ZNF385D: variants seen among roughly 807,000 people sequenced by gnomAD.
ZNF385D encodes zinc finger protein 385D.
A neutral mutation model predicts 35.8 loss-of-function variants in ZNF385D; 15 were observed. That is an observed-to-expected ratio of 0.42 (90% confidence interval 0.28 to 0.64). ZNF385D has a LOEUF of 0.64. ZNF385D is among the 30% of genes least tolerant of loss of function. The probability of loss-of-function intolerance (pLI) is 0.23; values close to 1 mark genes in which losing one functional copy is unlikely to be tolerated. For missense variants in ZNF385D, 474 were observed against 494.6 expected (o/e 0.96, Z 0.39); for synonymous variants, 212 against 186.8 (o/e 1.13, Z -1.10).
intron 3 of ZNF385D, among the ~76,000 whole-genome samples, chr3:21,873,535 A>ATGGT (rs140463319): frequency 5.9e-5 from 9 of 152,216 alleles, no homozygotes; most frequent in Non-Finnish European, 8.8e-5. Flanking sequence ...GGTGTACAGT[A>ATGGT]TGGTATTCTT....
chr3:21,854,457 G>A (rs540415448), intron 3 of ZNF385D, among the ~76,000 whole-genome samples: 13 of 151,988 alleles, frequency 8.6e-5, no homozygotes, highest in South Asian at 6.2e-4. Flanking sequence ...TCATGGGCAC[G>A]CAACCTTGGC....
intron 3 of ZNF385D, among the ~76,000 whole-genome samples, chr3:21,956,633 C>T (rs919946001): frequency 6.6e-6 from 1 of 151,994 alleles, no homozygotes; most frequent in Non-Finnish European, 1.5e-5. Context: ...GTGGTTAATG[C>T]ATCCTCTGCC....
intron 3 of ZNF385D, among the ~76,000 whole-genome samples, chr3:21,908,296 G>T (rs1050672028): frequency 1.3e-5 from 2 of 151,942 alleles, no homozygotes; most frequent in Non-Finnish European, 2.9e-5. Flanking sequence ...ATAATTCCAG[G>T]ATGCAAAGCT....
chr3:22,130,045 A>G (rs1703682303), intron 3 of ZNF385D, among the ~76,000 whole-genome samples: 1 of 152,166 alleles, frequency 6.6e-6, no homozygotes, highest in Admixed American at 6.6e-5. Flanking sequence ...AAATTCTGCC[A>G]GAACTGGGTC....
intron 2 of ZNF385D, among the ~76,000 whole-genome samples, chr3:22,294,736 T>C (rs953278921): frequency 6.6e-6 from 1 of 152,130 alleles, no homozygotes; most frequent in East Asian, 1.9e-4. Context: ...AACAAGTTAA[T>C]GCAAAATACT....
At chr3:22,002,668 G>C (rs1209923358) in intron 3 of ZNF385D, among the ~76,000 whole-genome samples, 1 of 152,012 alleles carries the variant, frequency 6.6e-6, no homozygotes, top group African/African-American at 2.4e-5. Context: ...TATCCTTAAT[G>C]AACACAGACA....
At chr3:21,903,348 G>C (rs1575875220) in intron 3 of ZNF385D, among the ~76,000 whole-genome samples, 1 of 152,132 alleles carries the variant, frequency 6.6e-6, no homozygotes, top group Admixed American at 6.6e-5. Flanking sequence ...CAAAAGGCAA[G>C]ATTTGGTGCA....
chr3:22,240,236 T>C (rs1699418673), intron 2 of ZNF385D, among the ~76,000 whole-genome samples: 1 of 143,868 alleles, frequency 7.0e-6, no homozygotes, highest in African/African-American at 2.6e-5. Context: ...CAAAAAGTCA[T>C]CATCATTAGA....
chr3:22,324,202 T>C (rs1305209705), intron 2 of ZNF385D, among the ~76,000 whole-genome samples: 1 of 152,166 alleles, frequency 6.6e-6, no homozygotes, highest in African/African-American at 2.4e-5. Context: ...GTGCTCCTAA[T>C]AGGACACTAA....
intron 5 of ZNF385D, among the ~76,000 whole-genome samples, chr3:21,434,196 GTT>G (rs1701439772): frequency 6.6e-6 from 1 of 152,122 alleles, no homozygotes; most frequent in Non-Finnish European, 1.5e-5. Flanking sequence ...AGCCCCAATT[GTT>G]CAACTTGGTA....
intron 2 of ZNF385D, among the ~76,000 whole-genome samples, chr3:22,319,835 T>A (rs1183442552): frequency 6.6e-6 from 1 of 152,230 alleles, no homozygotes; most frequent in African/African-American, 2.4e-5. Context: ...TTTGAATCTA[T>A]TTCAACTTCT....
Position 22,107,026 on chromosome 3 carries a change from G to GTTTTTTTTTTTTTTTTTTTTTTTTTTTTT in ZNF385D, c.325+61790_325+61791insAAAAAAAAAAAAAAAAAAAAAAAAAAAAA, listed in dbSNP as rs10676871. Among the ~76,000 whole-genome samples, 246 of 118,774 alleles carry GTTTTTTTTTTTTTTTTTTTTTTTTTTTTT rather than the reference G, an allele frequency of 2.1e-3. 44 individuals are homozygous for GTTTTTTTTTTTTTTTTTTTTTTTTTTTTT. Among genetic ancestry groups the GTTTTTTTTTTTTTTTTTTTTTTTTTTTTT allele is most frequent in the Middle Eastern group, 9.6e-3 (2 of 208 alleles). 77.9% of individuals were successfully genotyped at this position (118,774 alleles called of 152,430 possible). ...TTTATGCAAAAACTTTGGAATGAGAGTTTTTTTTTTTTTTTTAGACAGAGT... is the reference window on the plus strand; with the variant it reads ...TTTATGCAAAAACTTTGGAATGAGAGTTTTTTTTTTTTTTTTTTTTTTTTTTTTTTTTTTTTTTTTTTTTTAGACAGAGT... On this transcript the variant is annotated intron_variant, in intron 3 of 5. Coordinates refer to the ZNF385D transcript ENST00000494108.
chr3:22,368,303 C>T (rs1362545994), intron 2 of ZNF385D, among the ~76,000 whole-genome samples: 1 of 152,152 alleles, frequency 6.6e-6, no homozygotes, highest in Non-Finnish European at 1.5e-5. Context: ...CCAATCTAGG[C>T]ACACTACTAG....
At chr3:22,050,968 T>C (rs1699316711) in intron 3 of ZNF385D, among the ~76,000 whole-genome samples, 1 of 69,848 alleles carries the variant, frequency 1.4e-5, no homozygotes, top group Non-Finnish European at 2.8e-5. Flanking sequence ...AAAAAATGTA[T>C]ATTCTGTTGA....
chr3:21,607,708 T>C (rs2064526157), intron 2 of ZNF385D, among the ~76,000 whole-genome samples: 1 of 152,084 alleles, frequency 6.6e-6, no homozygotes, highest in Non-Finnish European at 1.5e-5. Context: ...TGGGGAAGCT[T>C]AGGCTGCAGC....
intron 1 of ZNF385D, among the ~76,000 whole-genome samples, chr3:21,741,724 G>A (rs2069524841): frequency 1.3e-5 from 2 of 151,822 alleles, no homozygotes; most frequent in Admixed American, 6.6e-5. Flanking sequence ...AATCAATACC[G>A]AATTCCTCTT....
chr3:21,787,701 C>T (rs558673645), intron 3 of ZNF385D, among the ~76,000 whole-genome samples: 1 of 151,924 alleles, frequency 6.6e-6, no homozygotes, highest in Non-Finnish European at 1.5e-5. Flanking sequence ...TATGAACGGA[C>T]AGGAAGATCA....
intron 3 of ZNF385D, among the ~76,000 whole-genome samples, chr3:22,070,094 C>G (rs1343605771): frequency 6.6e-6 from 1 of 152,132 alleles, no homozygotes; most frequent in Non-Finnish European, 1.5e-5. Flanking sequence ...ATTAAAAACA[C>G]ATTAATTTCC....
chr3:21,667,920 G>A (rs888690640), intron 1 of ZNF385D, among the ~76,000 whole-genome samples: 1 of 151,776 alleles, frequency 6.6e-6, no homozygotes, highest in African/African-American at 2.4e-5. Flanking sequence ...CCTTCCTAGG[G>A]GTTAAAAAAA....
Sources: gnomAD v4.1 joint callset for allele counts (sites outside exome capture counted in the v4.1 genomes callset) on GRCh38, gnomAD v4.1.1 for gene constraint, MANE v1.5 for transcripts, NCBI Gene and HGNC (gene_info 2026-07-23, HGNC 2026-07-21) for gene names.